COX17: variants seen among roughly 807,000 people sequenced by gnomAD.
COX17 encodes the protein cytochrome c oxidase copper chaperone.
COX17 carries 1 observed loss-of-function variant against 6.3 expected under a neutral mutation model. The ratio of observed to expected loss-of-function variants is 0.16; its 90% CI spans 0.06 to 0.75. The LOEUF (loss-of-function observed/expected upper bound fraction) is 0.75. Among genes scored for constraint, COX17 ranks in the 30% least tolerant of loss-of-function variants. The pLI is 0.77. For missense variants in COX17, 73 were observed against 81.2 expected, an observed-to-expected ratio of 0.90 and a Z score of 0.39; for synonymous variants, 26 against 30.5, an observed-to-expected ratio of 0.85 and a Z score of 0.49.
At chr3:119,667,722 C>G, downstream of COX17, among the ~76,000 whole-genome samples, 1 of 114,020 alleles carries the variant, frequency 8.8e-6, no homozygotes, top group African/African-American at 2.9e-5. Context: ...CACACACACA[C>G]ACACACAGAG....
downstream of COX17, chr3:119,669,157 T>A (rs1283311591): frequency 6.7e-6 from 1 of 150,092 alleles, no homozygotes; most frequent in East Asian, 2.0e-4. Flanking sequence ...TGGTCCAAAA[T>A]CTAAACTAAC....
intron 3 of COX17, among the ~76,000 whole-genome samples, chr3:119,664,099 C>G (rs1389881099): frequency 6.6e-6 from 1 of 152,158 alleles, no homozygotes; most frequent in Non-Finnish European, 1.5e-5. Context: ...TCAGTCTATC[C>G]CGGATACTGA....
Position 119,673,616 on chromosome 3 carries a change from G to A in COX17, c.*4+1529C>T, listed in dbSNP as rs12636633. Among the ~76,000 whole-genome samples the A allele has an allele frequency of 4.8e-3, 729 of 152,292 alleles. 29 individuals are homozygous for A. The highest frequency in any genetic ancestry group is 0.041 in the Admixed American group (630 of 15,296). The stretch of plus-strand genomic sequence containing the variant: ...GGACAGCACCATGATAGAGTGATGG[G>A]GAAGGGATGTAATTTACATGGGGTG... On this transcript the variant is annotated intron_variant, in intron 2 of 2. Coordinates refer to ENST00000261070, the MANE Select transcript of COX17 (RefSeq NM_005694.2).
intron 3 of COX17, among the ~76,000 whole-genome samples, chr3:119,664,292 G>C (rs1456074184): frequency 6.6e-6 from 1 of 152,166 alleles, no homozygotes; most frequent in Non-Finnish European, 1.5e-5. Flanking sequence ...GGCTGAGATG[G>C]GAGGATCACT....
chr3:119,677,139 G>A (rs2053113261), intron 1 of COX17, 65 bp downstream of exon 1: 2 of 1,268,188 alleles, frequency 1.6e-6, no homozygotes, highest in African/African-American at 1.5e-5. Flanking sequence ...TAGGGCAGAG[G>A]CACCGGAAGG....
rs1205171485 is a variant in COX17, at chr3:119,676,975, C to A, written c.107+229G>T. The A allele has an allele frequency of 4.4e-6, 3 of 689,546 alleles. No homozygotes were observed. The African/African-American group carries it at 5.6e-5, about 13-fold the overall frequency. The allele number at this position is 689,546 out of a possible 1,614,324, so 42.7% of individuals were successfully genotyped here. A position where few individuals can be genotyped will look rare whatever the true frequency, so the allele number is the denominator to read the frequency against. On this transcript the variant is annotated intron_variant, in intron 1 of 2. Transcript: ENST00000261070. The stretch of plus-strand genomic sequence containing the variant: ...AGACCCGACCACGAAACCTACAAGG[C>A]CCAATAATTATCTCCAGAGCGCCGC...
chr3:119,674,082 C>T (rs193134692), intron 2 of COX17, among the ~76,000 whole-genome samples: 1,705 of 150,306 alleles, frequency 0.011, 28 homozygotes, highest in African/African-American at 0.039. Flanking sequence ...ATGTGAGGAG[C>T]GCCTCTGCCC....
chr3:119,670,191 A>G (rs2053030339), intron 2 of COX17, among the ~76,000 whole-genome samples: 1 of 152,186 alleles, frequency 6.6e-6, no homozygotes, highest in Non-Finnish European at 1.5e-5. Flanking sequence ...GGAAAAATCA[A>G]AAAGGGAGAG....
chr3:119,668,353 G>A (rs2053012440), downstream of COX17, among the ~76,000 whole-genome samples: 1 of 152,158 alleles, frequency 6.6e-6, no homozygotes, highest in East Asian at 1.9e-4. Flanking sequence ...AATTGTCCAA[G>A]ATTCTATTCT....
chr3:119,675,395 T>C, intron 1 of COX17, 162 bp from the exon 2 acceptor site: 1 of 597,024 alleles, frequency 1.7e-6, no homozygotes, highest in Non-Finnish European at 3.0e-6. Context: ...TTTGATCTTA[T>C]GATATGCCCA....
intron 2 of COX17, among the ~76,000 whole-genome samples, chr3:119,669,909 C>T (rs972565736): frequency 2.0e-5 from 3 of 152,064 alleles, no homozygotes; most frequent in Admixed American, 6.6e-5. Context: ...GAAGTAAAAA[C>T]TCTCTCTGCG....
downstream of COX17, among the ~76,000 whole-genome samples, chr3:119,665,057 A>G (rs114968427): frequency 6.6e-6 from 1 of 152,130 alleles, no homozygotes; most frequent in Admixed American, 6.5e-5. Flanking sequence ...TTGCTTGGGT[A>G]ATATGTTAAG....
downstream of COX17, among the ~76,000 whole-genome samples, chr3:119,668,393 G>A (rs887784315): frequency 2.0e-5 from 3 of 152,090 alleles, no homozygotes; most frequent in African/African-American, 7.2e-5. Flanking sequence ...AAATCATGAA[G>A]TGCTTACTAA....
At chr3:119,667,712 CACACACACACACACACAGAGAG>C (rs2053005869), downstream of COX17, among the ~76,000 whole-genome samples, 1 of 113,192 alleles carries the variant, frequency 8.8e-6, no homozygotes, top group African/African-American at 2.8e-5. Flanking sequence ...CACACACACA[CACACACACACACACACAGAGAG>C]AGAGAGACAG....
rs61736422 is a variant in COX17 at position 119,677,239 on chromosome 3, G to C, written c.72C>G (p.Cys24Trp). ...SQEKKPLKPC[C>W]ACPETKKARD... ...GCGCCTTCTTGGTCTCCGGGCAAGC[G>C]CAGCAGGGCTTCAGCGGCTTCTTCT... The change falls in exon 1 of 3, where the codon TGC becomes TGG. Residue 24 changes from cysteine to tryptophan, a missense_variant. By Grantham distance (215) the Cys-to-Trp change is radical (BLOSUM62 -2). Transcript: ENST00000261070. 2 of 1,611,986 alleles carry C rather than the reference G, an allele frequency of 1.2e-6. No homozygotes were observed. The highest frequency in any genetic ancestry group is 1.7e-6 in the Non-Finnish European group (2 of 1,179,932).
chr3:119,672,458 TC>T (rs1429983458), intron 2 of COX17, among the ~76,000 whole-genome samples: 7 of 152,292 alleles, frequency 4.6e-5, no homozygotes, highest in African/African-American at 1.2e-4. Context: ...AATTAGCATT[TC>T]TTTTTATTTA....
chr3:119,670,551 A>C (rs1362268025), intron 2 of COX17, among the ~76,000 whole-genome samples: 4 of 152,124 alleles, frequency 2.6e-5, no homozygotes, highest in African/African-American at 9.7e-5. Context: ...TACATAACAA[A>C]AGGGGCTGTG....
downstream of COX17, among the ~76,000 whole-genome samples, chr3:119,666,626 G>A (rs927770132): frequency 5.9e-5 from 9 of 152,094 alleles, no homozygotes; most frequent in East Asian, 1.9e-4. Flanking sequence ...TATTTCTACG[G>A]TTTATATACA....
intron 2 of COX17, chr3:119,674,903 G>A (rs1006826359): frequency 1.2e-5 from 5 of 430,058 alleles, no homozygotes; most frequent in African/African-American, 1.0e-4. Context: ...TAAAGCCATG[G>A]GACCTAAAGG....
Sources: allele counts gnomAD v4.1 joint callset (sites outside exome capture counted in the v4.1 genomes callset), GRCh38; gene constraint gnomAD v4.1.1; transcripts MANE v1.5; gene names NCBI Gene and HGNC (gene_info 2026-07-23, HGNC 2026-07-21).